SEMA4C: variants seen among roughly 807,000 people sequenced by gnomAD.
The protein encoded by SEMA4C is semaphorin 4C, also known as semaphorin-4C.
A neutral mutation model predicts 89.0 loss-of-function variants in SEMA4C; 19 were observed. The observed-to-expected ratio is 0.21, with a 90% CI of 0.15 to 0.31. The LOEUF is 0.31. SEMA4C is among the 10% of genes least tolerant of loss of function. The pLI, the probability that SEMA4C is intolerant of heterozygous loss-of-function variation, is 1.00. For synonymous variants in SEMA4C, 428 were observed against 472.7 expected, an observed-to-expected ratio of 0.91 and a Z score of 1.23; for missense variants, 811 against 1,107.0, an observed-to-expected ratio of 0.73 and a Z score of 3.79.
intron 2 of SEMA4C, chr2:96,866,886 A>C: frequency 1.2e-5 from 4 of 323,044 alleles, no homozygotes; most frequent in South Asian, 7.6e-5. Context: ...GAAACCCTTC[A>C]CTCCAGCAGG....
At chr2:96,867,195 C>T (rs541408473) in intron 2 of SEMA4C, among the ~76,000 whole-genome samples, 2 of 152,310 alleles carry the variant, frequency 1.3e-5, no homozygotes, top group East Asian at 1.9e-4. Flanking sequence ...CAGACACAGA[C>T]CGGCATGGCA....
Position 96,864,359 on chromosome 2 carries a change from A to C in SEMA4C, c.986T>G (p.Ile329Ser). 1 of 1,613,828 alleles carries C rather than the reference A, an allele frequency of 6.2e-7. No homozygotes were observed. Among genetic ancestry groups the C allele is most frequent in the Non-Finnish European group, 8.5e-7 (1 of 1,179,994 alleles). The change falls in exon 10 of 15, where the codon ATC (isoleucine) becomes AGC (serine). Residue 329 changes from isoleucine to serine, a missense_variant. Coordinates refer to ENST00000305476, the MANE Select transcript of SEMA4C (RefSeq NM_017789.5). The surrounding 1 kb of genome is among the most constrained non-coding windows in gnomAD (Gnocchi z 6.3). The part of the protein sequence containing the change: ...AQWGDMYLSA[I>S]CEYQLEEIQR... ...GATCTCTTCCAACTGGTACTCACAG[A>C]TGGCCGACAGGTACATGTCACCCCT...
chr2:96,870,641 C>T (rs558616635), upstream of SEMA4C: 14 of 985,490 alleles, frequency 1.4e-5, no homozygotes, highest in African/African-American at 2.4e-4. Flanking sequence ...CCAGGAAGAC[C>T]CTTCAATCAA....
Position 96,865,081 on chromosome 2 carries a change from C to T in SEMA4C, c.669G>A (p.Glu223=), listed in dbSNP as rs1397843918. 6.4e-7 allele frequency: 1 copy of T among 1,563,080 alleles called. No individual in the cohort carries two copies. The highest frequency in any genetic ancestry group is 1.4e-5 in the African/African-American group (1 of 73,534). Residue 223 remains glutamate, a synonymous_variant, in exon 8 of 15, where the codon GAG becomes GAA. Coordinates refer to ENST00000305476, the MANE Select transcript of SEMA4C (RefSeq NM_017789.5). ...PHFVGSAYVP[E]SVGSFTGDDD... ...CGTCCCCCGTGAAGCTGCCCACACT[C>T]TCAGGTACATAGGCAGAGCCTACAA...
rs377345930 is a variant in SEMA4C at position 96,865,959 on chromosome 2, G to A, written c.259-30C>T. On this transcript the variant is annotated intron_variant, in intron 3 of 14. Coordinates refer to ENST00000305476, the MANE Select transcript of SEMA4C (RefSeq NM_017789.5). Reference sequence around the variant, plus strand: ...GGAAAGGGAAGGGGATGTCAGCCACGTTACAGGTACGGACTGAGCACGTGT... The same window carrying A: ...GGAAAGGGAAGGGGATGTCAGCCACATTACAGGTACGGACTGAGCACGTGT... The A allele has an allele frequency of 9.9e-5, 159 of 1,609,552 alleles. 1 individual carries two copies. Among genetic ancestry groups the A allele is most frequent in the Admixed American group, 4.3e-4 (26 of 59,936 alleles).
At position 96,860,493 on chromosome 2, in the gene SEMA4C, G is replaced by T. The variant is rs987125809; in HGVS notation, c.*133C>A. ...GTGCTGAGCAGAGCAGGTCCTCATGGCCGGGTGGGTGCTGGGCAGTATCTG... is the reference window on the plus strand; with the variant it reads ...GTGCTGAGCAGAGCAGGTCCTCATGTCCGGGTGGGTGCTGGGCAGTATCTG... On this transcript the variant is annotated 3_prime_UTR_variant, in exon 15 of 15. Coordinates refer to ENST00000305476, the MANE Select transcript of SEMA4C (RefSeq NM_017789.5). 27 of 801,448 alleles carry T rather than the reference G, an allele frequency of 3.4e-5. No homozygotes were observed. The highest frequency in any genetic ancestry group is 1.4e-4 in the African/African-American group (8 of 57,668). The allele number at this position is 801,448 out of a possible 1,614,324, so 49.6% of individuals were successfully genotyped here. A position where few individuals can be genotyped will look rare whatever the true frequency, so the allele number is the denominator to read the frequency against.
rs780644984 is a variant in SEMA4C, at chr2:96,860,761, G to A, written c.2367C>T (p.Tyr789=). ...CCTCCCCTCCTAGTTGTAAGCGCAC[G>A]TAACCATTGGCATTTGAGTTCCGCC... ...GGGRNSNANG[Y]VRLQLGGEDR... is the part of the protein sequence containing the mutation. The change falls in exon 15 of 15, where the codon TAC becomes TAT. Residue 789 remains tyrosine, a synonymous_variant. Transcript: ENST00000305476. 6.8e-6 allele frequency: 11 copies of A among 1,613,904 alleles called. No homozygotes were observed. The highest frequency in any genetic ancestry group is 1.6e-4 in the Middle Eastern group (1 of 6,062).
At chr2:96,868,770 G>C (rs2080140710) in intron 1 of SEMA4C, 1 of 985,174 alleles carries the variant, frequency 1.0e-6, no homozygotes, top group Non-Finnish European at 1.2e-6. Flanking sequence ...GGACGCGAGG[G>C]GGTTCCTCCC....
Position 96,860,453 on chromosome 2 carries a change from C to G in SEMA4C, c.*173G>C, listed in dbSNP as rs904936271. 5.4e-6 allele frequency: 3 copies of G among 558,914 alleles called. No individual in the cohort carries two copies. In the African/African-American group the frequency reaches 5.7e-5, roughly 11 times the overall value. 34.6% of individuals were successfully genotyped at this position (558,914 alleles called of 1,614,324 possible). A position where few individuals can be genotyped will look rare whatever the true frequency, so the allele number is the denominator to read the frequency against. On this transcript the variant is annotated 3_prime_UTR_variant, in exon 15 of 15. Coordinates refer to ENST00000305476, the MANE Select transcript of SEMA4C (RefSeq NM_017789.5). ...AGGCTGGTGCCCTGGTGAGCCACAC[C>G]AAGTGGCAGTGCCCGTGCTGAGCAG...
Position 96,861,483 on chromosome 2 carries a change from T to C in SEMA4C, c.1673-28A>G. 1.2e-6 allele frequency: 2 copies of C among 1,611,302 alleles called. No individual in the cohort carries two copies. Among genetic ancestry groups the C allele is most frequent in the Non-Finnish European group, 1.7e-6 (2 of 1,178,008 alleles). ...GTAGTGGCAGAGAAAACAGAGTGCA[T>C]GTTAGTGCAGGAAAGCAGGGCTGGG... is the stretch of plus-strand genomic sequence containing the variant. On this transcript the variant is annotated intron_variant, in intron 14 of 14. Coordinates refer to ENST00000305476, the MANE Select transcript of SEMA4C (RefSeq NM_017789.5). This position sits in a 1 kb window ranked among gnomAD's most constrained non-coding sequence, Gnocchi z 7.8.
chr2:96,860,452 C>T lies in SEMA4C; in HGVS notation c.*174G>A, dbSNP rs1341357247. On this transcript the variant is annotated 3_prime_UTR_variant, in exon 15 of 15. Transcript: ENST00000305476. ...GAGGCTGGTGCCCTGGTGAGCCACA[C>T]CAAGTGGCAGTGCCCGTGCTGAGCA... 1.8e-6 allele frequency: 1 copy of T among 558,058 alleles called. No homozygotes were observed. Among genetic ancestry groups the T allele is most frequent in the Non-Finnish European group, 3.0e-6 (1 of 329,346 alleles). 34.6% of individuals were successfully genotyped at this position (558,058 alleles called of 1,614,324 possible).
chr2:96,870,690 AG>A (rs1466714905), upstream of SEMA4C: 1 of 985,398 alleles, frequency 1.0e-6, no homozygotes, highest in African/African-American at 1.7e-5. Context: ...CTTTGGGCAA[AG>A]CGCCTATCCC....
At chr2:96,862,415 G>A (rs2079967864) in intron 12 of SEMA4C, 1 of 156,676 alleles carries the variant, frequency 6.4e-6, no homozygotes, top group South Asian at 1.9e-4. Context: ...TAGCAAACAT[G>A]CCACAAGAGT....
At position 96,866,382 on chromosome 2, in the gene SEMA4C, G is replaced by A. The variant is rs1222041177; in HGVS notation, c.159C>T (p.Phe53=). Residue 53 remains phenylalanine (F), a synonymous_variant, in exon 3 of 15, where the codon TTC becomes TTT. Transcript: ENST00000305476. The stretch of plus-strand genomic sequence containing the variant: ...TGGGCTCCGTCAGCGTCAGTGTCAG[G>A]AAGTCCTGGATGCCGGTCTGGGAGA... ...RRFSQTGIQD[F]LTLTLTEPTG... The A allele has an allele frequency of 5.0e-6, 8 of 1,613,858 alleles. No individual in the cohort carries two copies. The highest frequency in any genetic ancestry group is 6.8e-6 in the Non-Finnish European group (8 of 1,180,054).
upstream of SEMA4C, chr2:96,870,299 G>C (rs1004103946): frequency 7.1e-5 from 70 of 985,396 alleles, no homozygotes; most frequent in Non-Finnish European, 8.3e-5. Context: ...GCTCGGAGTC[G>C]CGGGCTGCGC....
chr2:96,866,766 C>G (rs920376186), intron 2 of SEMA4C: 3 of 429,996 alleles, frequency 7.0e-6, no homozygotes, highest in African/African-American at 6.1e-5. Context: ...ACCCCCACCC[C>G]ACCTTCGCTT....
At chr2:96,869,064 G>C in intron 1 of SEMA4C, 1 of 985,434 alleles carries the variant, frequency 1.0e-6, no homozygotes, top group Non-Finnish European at 1.2e-6. Flanking sequence ...CGGCGGCGCG[G>C]GGAGCGTGGC....
intron 1 of SEMA4C, chr2:96,868,711 G>A (rs996943092): frequency 1.2e-4 from 116 of 985,206 alleles, no homozygotes; most frequent in Admixed American, 1.2e-4. Flanking sequence ...CTCGGGTCGA[G>A]TCGGGGACTC....
Position 96,867,879 on chromosome 2 carries a change from G to A in SEMA4C, c.8C>T (p.Pro3Leu), listed in dbSNP as rs1259323067. Reference sequence around the variant, plus strand: ...TGCCAGCAGCCAGACAGCCCAGTGTGGGGCCATGGCGCACGCCCCGGCTCT... The same window carrying A: ...TGCCAGCAGCCAGACAGCCCAGTGTAGGGCCATGGCGCACGCCCCGGCTCT... MA[P>L]HWAVWLLAAR... The change falls in exon 2 of 15, where the codon CCA becomes CTA. Residue 3 changes from proline (P) to leucine (L), a missense_variant. By Grantham distance (98) the Pro-to-Leu change is moderately conservative (BLOSUM62 -3). Coordinates refer to ENST00000305476, the MANE Select transcript of SEMA4C (RefSeq NM_017789.5). The A allele has an allele frequency of 6.2e-7, 1 of 1,613,580 alleles. No homozygotes were observed. Among genetic ancestry groups the A allele is most frequent in the Admixed American group, 1.7e-5 (1 of 60,028 alleles).
Sources: gnomAD v4.1 joint callset for allele counts (sites outside exome capture counted in the v4.1 genomes callset) on GRCh38, gnomAD v4.1.1 for gene constraint, Gnocchi (gnomAD v3.1) non-coding constraint, MANE v1.5 for transcripts, NCBI Gene and HGNC (gene_info 2026-07-23, HGNC 2026-07-21) for gene names.